The following CYRIA variants were observed in gnomAD, a reference collection of about 807,000 sequenced individuals.
CYRIA encodes the protein CYFIP-related Rac1 interactor A.
CYRIA carries 15 observed loss-of-function variants against 43.9 expected under a neutral mutation model. The ratio of observed to expected loss-of-function variants is 0.34; its 90% confidence interval spans 0.23 to 0.53. The LOEUF is 0.53. Ranked by LOEUF, CYRIA falls within the 20% of genes least tolerant of loss-of-function variation. CYRIA has a pLI of 0.94. For missense variants in CYRIA, 236 were observed against 394.2 expected (o/e 0.60, Z 3.40); for synonymous variants, 117 against 136.0 (o/e 0.86, Z 0.97).
In CYRIA at chr2:16,623,898, C is replaced by T. The variant is rs1175232230; in HGVS notation, c.-45G>A. On this transcript the variant is annotated 5_prime_UTR_variant, in exon 2 of 12. Transcript: ENST00000381323. ...TCTCCTGTGATTCAGTTTCACCAAT[C>T]CAGGCTGATGGGATGAACCAGCTTA... 1 of 152,232 alleles carries T rather than the reference C, an allele frequency of 6.6e-6. No homozygotes were observed. Among genetic ancestry groups the T allele is most frequent in the East Asian group, 1.9e-4 (1 of 5,200 alleles). 9.4% of individuals were successfully genotyped at this position (152,232 alleles called of 1,614,324 possible).
At chr2:16,590,924 G>T (rs1667909467) in intron 2 of CYRIA, among the ~76,000 whole-genome samples, 1 of 152,050 alleles carries the variant, frequency 6.6e-6, no homozygotes, top group South Asian at 2.1e-4. Flanking sequence ...GGTTTAGGGG[G>T]ATCTGCAAAG....
At position 16,559,839 on chromosome 2, in the gene CYRIA, C is replaced by T. The variant is rs997550917; in HGVS notation, c.711-253G>A. Among the ~76,000 whole-genome samples the T allele has an allele frequency of 7.2e-5, 11 of 152,138 alleles. No individual in the cohort carries two copies. The East Asian group carries it at 1.4e-3, about 19-fold the overall frequency. The stretch of plus-strand genomic sequence containing the variant: ...CCCTTCTCATCTGCCCTTCAGCGGG[C>T]TAGCTCATCATGTACCTCACTCCTC... On this transcript the variant is annotated intron_variant, in intron 9 of 11. Transcript: ENST00000381323.
rs764790499 is a variant in CYRIA at position 16,646,790 on chromosome 2, T to C, written c.-167+18990A>G. ...ATATGGATGGGCCTCAACAGATCCC[T>C]TGAAGGCCTGAATAGAACAAAAGGT... On this transcript the variant is annotated intron_variant, in intron 1 of 11. Transcript: ENST00000381323. Among the ~76,000 whole-genome samples, 5 of 152,124 alleles carry C rather than the reference T, an allele frequency of 3.3e-5. No individual in the cohort carries two copies. In the East Asian group the frequency reaches 5.8e-4, roughly 18 times the overall value.
intron 3 of CYRIA, among the ~76,000 whole-genome samples, chr2:16,579,466 AATG>A (rs1388673691): frequency 6.6e-6 from 1 of 151,000 alleles, no homozygotes. Flanking sequence ...CTCTCTCTTA[AATG>A]ATAATTGACA....
chr2:16,567,691 C>T (rs1318157008), intron 3 of CYRIA, among the ~76,000 whole-genome samples: 2 of 152,072 alleles, frequency 1.3e-5, no homozygotes, highest in East Asian at 1.9e-4. Context: ...ATCATCAGTG[C>T]CATGGCAATT....
intron 1 of CYRIA, among the ~76,000 whole-genome samples, chr2:16,635,101 G>A (rs767566514): frequency 8.5e-5 from 13 of 152,196 alleles, no homozygotes; most frequent in Non-Finnish European, 1.6e-4. Context: ...TTTGGTAAAT[G>A]TAAAATAGGG....
At chr2:16,599,881 CAAG>C (rs1668140395) in intron 2 of CYRIA, among the ~76,000 whole-genome samples, 1 of 152,142 alleles carries the variant, frequency 6.6e-6, no homozygotes, top group Admixed American at 6.6e-5. Context: ...CTTAGTTTCC[CAAG>C]AAGCTGGGAT....
intron 2 of CYRIA, among the ~76,000 whole-genome samples, chr2:16,618,531 G>A (rs1428903820): frequency 2.0e-5 from 3 of 152,198 alleles, no homozygotes. Context: ...TGGCTGTAAG[G>A]AGGGCAAGTG....
At chr2:16,621,823 CT>C (rs1459526859) in intron 2 of CYRIA, among the ~76,000 whole-genome samples, 1 of 152,006 alleles carries the variant, frequency 6.6e-6, no homozygotes, top group Non-Finnish European at 1.5e-5. Context: ...TTATTTTTTT[CT>C]GCTTTATTTT....
rs142393202 is a variant in CYRIA, at chr2:16,564,484, G to A, written c.193-390C>T. 3.1e-3 allele frequency among the ~76,000 whole-genome samples: 476 copies of A among 152,268 alleles called. 4 individuals carry two copies. Among genetic ancestry groups the A allele is most frequent in the African/African-American group, 0.01 (436 of 41,554 alleles). On this transcript the variant is annotated intron_variant, in intron 4 of 11. Transcript: ENST00000381323. The stretch of plus-strand genomic sequence containing the variant: ...TTTAATAGGTATTGCATTCCTGCCA[G>A]TTTGTCATGTTACCTAAATTGTATA...
intron 2 of CYRIA, among the ~76,000 whole-genome samples, chr2:16,611,412 G>A (rs1013386718): frequency 1.3e-5 from 2 of 152,128 alleles, no homozygotes; most frequent in Non-Finnish European, 2.9e-5. Context: ...ATAAATACAT[G>A]AGCATTGCTC....
chr2:16,610,769 C>T (rs113602021), intron 2 of CYRIA, among the ~76,000 whole-genome samples: 1 of 151,828 alleles, frequency 6.6e-6, no homozygotes, highest in African/African-American at 2.4e-5. Flanking sequence ...ATAGGCTCTG[C>T]TTAGTTACCT....
At chr2:16,627,117 C>T (rs1284735701) in intron 1 of CYRIA, among the ~76,000 whole-genome samples, 2 of 152,214 alleles carry the variant, frequency 1.3e-5, no homozygotes, top group Non-Finnish European at 2.9e-5. Context: ...CCACCCCATT[C>T]AGGGGAGGGC....
chr2:16,637,135 T>C (rs187934670), intron 1 of CYRIA, among the ~76,000 whole-genome samples: 20,803 of 152,058 alleles, frequency 0.14, 1,563 homozygotes, highest in Middle Eastern at 0.17. Context: ...CTGAGTGAGA[T>C]AAAGAAATCT....
chr2:16,642,715 C>G (rs1558439723), intron 1 of CYRIA, among the ~76,000 whole-genome samples: 1 of 152,182 alleles, frequency 6.6e-6, no homozygotes. Flanking sequence ...CATTGGCCTC[C>G]TAGCTTGTCC....
chr2:16,559,285 T>C (rs921776430), intron 10 of CYRIA, among the ~76,000 whole-genome samples, 175 bp downstream of exon 10: 4 of 152,054 alleles, frequency 2.6e-5, no homozygotes, highest in Non-Finnish European at 4.4e-5. Flanking sequence ...TGTTTTTTCC[T>C]AAGCACAAGA....
In CYRIA at chr2:16,551,123, T is replaced by G. The variant is rs4263114; in HGVS notation, c.*1813A>C. On this transcript the variant is annotated 3_prime_UTR_variant, in exon 12 of 12. Transcript: ENST00000381323. ...AGAGCCTTTTCCTTCTGTTGACTAA[T>G]GTTTAGATGCAGACCAGGGAATCTT... The G allele has an allele frequency of 0.41, 62,875 of 151,968 alleles. 14,996 individuals are homozygous for G. The highest frequency in any genetic ancestry group is 0.72 in the East Asian group (3,715 of 5,142). The allele number at this position is 151,968 out of a possible 1,614,324, so 9.4% of individuals were successfully genotyped here. A position where few individuals can be genotyped will look rare whatever the true frequency, so the allele number is the denominator to read the frequency against.
In CYRIA at chr2:16,618,610, C is replaced by T. The variant is rs538962651; in HGVS notation, c.-11+5254G>A. On this transcript the variant is annotated intron_variant, in intron 2 of 11. Coordinates refer to ENST00000381323, the MANE Select transcript of CYRIA (RefSeq NM_030797.4). Reference sequence around the variant, plus strand: ...TTGTCTCCAAAAGACTCCATCAGAGCAAAGCACCCACCCCAAAGCCCCTCG... The same window carrying T: ...TTGTCTCCAAAAGACTCCATCAGAGTAAAGCACCCACCCCAAAGCCCCTCG... 7.9e-5 allele frequency among the ~76,000 whole-genome samples: 12 copies of T among 152,302 alleles called. No homozygotes were observed. The South Asian group carries it at 2.5e-3, about 32-fold the overall frequency.
At chr2:16,603,561 C>G (rs998139920) in intron 2 of CYRIA, among the ~76,000 whole-genome samples, 1 of 152,142 alleles carries the variant, frequency 6.6e-6, no homozygotes, top group South Asian at 2.1e-4. Context: ...CTCCCTCCCC[C>G]TCTATTCTAC....
Sources: gnomAD v4.1 joint callset for allele counts (sites outside exome capture counted in the v4.1 genomes callset) on GRCh38, gnomAD v4.1.1 for gene constraint, MANE v1.5 for transcripts, NCBI Gene and HGNC (gene_info 2026-07-23, HGNC 2026-07-21) for gene names.